Variants in PCDHGC3 observed in about 807,000 individuals in gnomAD.
PCDHGC3 encodes protocadherin gamma subfamily C, 3.
Under a neutral mutation model 59.2 loss-of-function variants are expected in PCDHGC3, and 26 were observed. The observed-to-expected ratio is 0.44, with a 90% CI of 0.32 to 0.61. The LOEUF is 0.61. Ranked by LOEUF, PCDHGC3 falls within the 20% of genes least tolerant of loss-of-function variation. PCDHGC3 has a pLI of 0.05. For synonymous variants in PCDHGC3, 487 were observed against 519.7 expected (o/e 0.94, Z 0.86); for missense variants, 1,080 against 1,221.8 (o/e 0.88, Z 1.73).
At position 141,486,785 on chromosome 5, in the gene PCDHGC3, C is replaced by T. The variant is rs763174232; in HGVS notation, c.2431-8022C>T. 1.2e-5 allele frequency: 20 copies of T among 1,614,102 alleles called. No homozygotes were observed. The highest frequency in any genetic ancestry group is 5.3e-5 in the African/African-American group (4 of 74,936). On this transcript the variant is annotated intron_variant, in intron 1 of 3. Transcript: ENST00000308177. This position sits in a 1 kb window ranked among gnomAD's most constrained non-coding sequence, Gnocchi z 5.0. ...GACACTGCAGTTTGAGGTGCAGGCC[C>T]GGGATCGGGGCAACCCACCCCTTAG...
chr5:141,481,871 G>T (rs372191396), intron 1 of PCDHGC3, among the ~76,000 whole-genome samples: 1 of 144,788 alleles, frequency 6.9e-6, no homozygotes, highest in Non-Finnish European at 1.5e-5. Context: ...CCGAGATCGC[G>T]CCACTGCACT....
chr5:141,506,737 C>T (rs893758261), intron 3 of PCDHGC3, among the ~76,000 whole-genome samples: 5 of 152,076 alleles, frequency 3.3e-5, no homozygotes, highest in African/African-American at 1.2e-4. Flanking sequence ...AGAATAATGC[C>T]TATTAATAAA....
rs1239481973 is a variant in PCDHGC3 at position 141,491,585 on chromosome 5, C to G, written c.2431-3222C>G. On this transcript the variant is annotated intron_variant, in intron 1 of 3. Coordinates refer to ENST00000308177, the MANE Select transcript of PCDHGC3 (RefSeq NM_002588.4). The surrounding 1 kb of genome is among the most constrained non-coding windows in gnomAD (Gnocchi z 6.9). ...TACAGGACGTGCTTTTCACCGGCCT[C>G]GGACGGCAGTGACTTCACTTTTCTA... 6.2e-7 allele frequency: 1 copy of G among 1,613,964 alleles called. No individual in the cohort carries two copies.
Position 141,491,103 on chromosome 5 carries a change from G to T in PCDHGC3, c.2431-3704G>T, listed in dbSNP as rs1190609518. The T allele has an allele frequency of 6.2e-7, 1 of 1,614,162 alleles. No individual in the cohort carries two copies. ...CCACAGCCCCAGGACTGTTCCTCGT[G>T]TCTACACACACTGGTGAGGTGCGCA... On this transcript the variant is annotated intron_variant, in intron 1 of 3. Coordinates refer to ENST00000308177, the MANE Select transcript of PCDHGC3 (RefSeq NM_002588.4). The surrounding 1 kb of genome is among the most constrained non-coding windows in gnomAD (Gnocchi z 6.9).
chr5:141,500,365 C>T (rs888624200), intron 2 of PCDHGC3, among the ~76,000 whole-genome samples: 5 of 151,956 alleles, frequency 3.3e-5, no homozygotes, highest in South Asian at 2.1e-4. Flanking sequence ...CCCACTACCA[C>T]GCCCGGCTAA....
intron 3 of PCDHGC3, among the ~76,000 whole-genome samples, chr5:141,506,435 G>C (rs1470687416): frequency 7.9e-6 from 1 of 126,278 alleles, no homozygotes; most frequent in East Asian, 2.1e-4. Flanking sequence ...CAACAGTCTC[G>C]CTCTGTCTCA....
chr5:141,495,032 G>T, intron 2 of PCDHGC3, 167 bp downstream of exon 2: 1 of 967,732 alleles, frequency 1.0e-6, no homozygotes, highest in Non-Finnish European at 1.2e-6. Flanking sequence ...GACCCCGGAA[G>T]GAAGAGGCGA....
intron 2 of PCDHGC3, among the ~76,000 whole-genome samples, chr5:141,499,738 A>G (rs1284003023): frequency 2.4e-5 from 3 of 127,268 alleles, no homozygotes; most frequent in South Asian, 2.4e-4. Flanking sequence ...TCTCTTGCCC[A>G]GGCTGTGGCA....
At position 141,485,413 on chromosome 5, in the gene PCDHGC3, C is replaced by T; in HGVS notation, c.2430+6867C>T. ...AAAGACACTTCCGTGTGGATTTGGA[C>T]AGCGGAGCCCTGCTCATCAAGAACC... On this transcript the variant is annotated intron_variant, in intron 1 of 3. Transcript: ENST00000308177. The surrounding 1 kb of genome is among the most constrained non-coding windows in gnomAD (Gnocchi z 5.7). The T allele has an allele frequency of 6.2e-7, 1 of 1,614,158 alleles. No individual in the cohort carries two copies. The highest frequency in any genetic ancestry group is 8.5e-7 in the Non-Finnish European group (1 of 1,180,030).
At chr5:141,497,284 A>G (rs1486878285) in intron 2 of PCDHGC3, among the ~76,000 whole-genome samples, 1 of 152,104 alleles carries the variant, frequency 6.6e-6, no homozygotes, top group South Asian at 2.1e-4. Context: ...TGTTCCCTCT[A>G]CCTACCACCA....
intron 3 of PCDHGC3, among the ~76,000 whole-genome samples, chr5:141,506,700 G>GT (rs1446452157): frequency 2.0e-5 from 3 of 152,138 alleles, no homozygotes; most frequent in Admixed American, 1.3e-4. Context: ...ACCCAAACCC[G>GT]TTTTTTACTG....
chr5:141,501,701 G>A (rs747266621), intron 2 of PCDHGC3, among the ~76,000 whole-genome samples: 3 of 151,984 alleles, frequency 2.0e-5, no homozygotes, highest in East Asian at 1.9e-4. Flanking sequence ...GGGTGATTCC[G>A]AGGATAAAAA....
Position 141,486,000 on chromosome 5 carries a change from A to G in PCDHGC3, c.2430+7454A>G. 1 of 1,614,194 alleles carries G rather than the reference A, an allele frequency of 6.2e-7. No individual in the cohort carries two copies. Among genetic ancestry groups the G allele is most frequent in the Non-Finnish European group, 8.5e-7 (1 of 1,180,034 alleles). On this transcript the variant is annotated intron_variant, in intron 1 of 3. Transcript: ENST00000308177. The surrounding 1 kb of genome is among the most constrained non-coding windows in gnomAD (Gnocchi z 5.7). ...GACCCGGACCTGGGTCCCAGTGGTA[A>G]CGTCACCTTTTATTTCAGTGGTCAT...
chr5:141,504,705 T>C (rs960774850), intron 2 of PCDHGC3, among the ~76,000 whole-genome samples: 19 of 151,608 alleles, frequency 1.3e-4, no homozygotes, highest in Middle Eastern at 3.4e-3. Flanking sequence ...GGTTCTTCTA[T>C]GGCCGTGGAT....
In PCDHGC3 at chr5:141,476,802, C is replaced by T; in HGVS notation, c.686C>T (p.Pro229Leu). 2 of 1,613,638 alleles carry T rather than the reference C, an allele frequency of 1.2e-6. No homozygotes were observed. The highest frequency in any genetic ancestry group is 1.7e-6 in the Non-Finnish European group (2 of 1,180,020). The change falls in exon 1 of 4, where the codon CCT (proline) becomes CTT (leucine). Residue 229 changes from proline to leucine, a missense_variant. Physicochemically the swap from Pro to Leu is moderately conservative, Grantham distance 98 (BLOSUM62 -3). Coordinates refer to ENST00000308177, the MANE Select transcript of PCDHGC3 (RefSeq NM_002588.4). The surrounding 1 kb of genome is among the most constrained non-coding windows in gnomAD (Gnocchi z 7.6). ...ACCCCAGCTCTCTCCGCCAGCCTGC[C>T]TATTCACATCAAGGTGCTGGACGCG... is the stretch of plus-strand genomic sequence containing the variant. ...GGTPALSASL[P>L]IHIKVLDAND...
At position 141,489,378 on chromosome 5, in the gene PCDHGC3, G is replaced by A. The variant is rs1562129701; in HGVS notation, c.2431-5429G>A. ...AGTCTGAGCCGGGGACGCTGGTGGGGAATGTTGCTCAGGATCTGGGCTTAA... is the reference window on the plus strand; with the variant it reads ...AGTCTGAGCCGGGGACGCTGGTGGGAAATGTTGCTCAGGATCTGGGCTTAA... On this transcript the variant is annotated intron_variant, in intron 1 of 3. Coordinates refer to ENST00000308177, the MANE Select transcript of PCDHGC3 (RefSeq NM_002588.4). The surrounding 1 kb of genome is among the most constrained non-coding windows in gnomAD (Gnocchi z 4.5). 1.2e-6 allele frequency: 2 copies of A among 1,613,908 alleles called. No homozygotes were observed. The highest frequency in any genetic ancestry group is 3.3e-5 in the Admixed American group (2 of 60,026).
Position 141,496,980 on chromosome 5 carries a change from G to A in PCDHGC3, c.2489+2115G>A, listed in dbSNP as rs186715298. On this transcript the variant is annotated intron_variant, in intron 2 of 3. Coordinates refer to ENST00000308177, the MANE Select transcript of PCDHGC3 (RefSeq NM_002588.4). ...GTGGGTAGATCACTTGAGGTCAGGG[G>A]TTTGAGACCAGCCTGGCAGCCAACA... Among the ~76,000 whole-genome samples the A allele has an allele frequency of 1.6e-3, 236 of 152,074 alleles. 2 individuals are homozygous for A. Among genetic ancestry groups the A allele is most frequent in the South Asian group, 7.5e-3 (36 of 4,814 alleles).
At position 141,478,339 on chromosome 5, in the gene PCDHGC3, C is replaced by A; in HGVS notation, c.2223C>A (p.Ser741=). 1 of 1,613,918 alleles carries A rather than the reference C, an allele frequency of 6.2e-7. No individual in the cohort carries two copies. The highest frequency in any genetic ancestry group is 1.7e-5 in the Admixed American group (1 of 60,034). Residue 741 remains serine (S), a synonymous_variant, in exon 1 of 4, where the codon TCC becomes TCA. Coordinates refer to ENST00000308177, the MANE Select transcript of PCDHGC3 (RefSeq NM_002588.4). ...VSSLYRTPGP[S]LHADAVRGGL... ...CACTGTACCGAACACCAGGGCCCTCCTTGCACGCGGACGCCGTGCGGGGAG... is the reference window on the plus strand; with the variant it reads ...CACTGTACCGAACACCAGGGCCCTCATTGCACGCGGACGCCGTGCGGGGAG...
In PCDHGC3 at chr5:141,477,031, A is replaced by C; in HGVS notation, c.915A>C (p.Thr305=). The part of the protein sequence containing the change: ...FALDLVTGML[T]IKGRLDFEDT... Reference sequence around the variant, plus strand: ...TAGACCTTGTAACCGGGATGCTGACAATCAAGGGTCGGCTGGACTTCGAGG... The same window carrying C: ...TAGACCTTGTAACCGGGATGCTGACCATCAAGGGTCGGCTGGACTTCGAGG... The change falls in exon 1 of 4, where the codon ACA becomes ACC. Residue 305 remains threonine, a synonymous_variant. Coordinates refer to ENST00000308177, the MANE Select transcript of PCDHGC3 (RefSeq NM_002588.4). This position sits in a 1 kb window ranked among gnomAD's most constrained non-coding sequence, Gnocchi z 4.9. The C allele has an allele frequency of 6.2e-7, 1 of 1,614,248 alleles. No individual in the cohort carries two copies. Among genetic ancestry groups the C allele is most frequent in the Non-Finnish European group, 8.5e-7 (1 of 1,180,040 alleles).
Sources: allele counts gnomAD v4.1 joint callset (sites outside exome capture counted in the v4.1 genomes callset), GRCh38; gene constraint gnomAD v4.1.1; non-coding constraint Gnocchi (gnomAD v3.1); transcripts MANE v1.5; gene names NCBI Gene and HGNC (gene_info 2026-07-23, HGNC 2026-07-21).